Variants in RNF212 observed in about 807,000 individuals in gnomAD.
The protein encoded by RNF212 is ring finger protein 212, also known as probable E3 SUMO-protein ligase RNF212.
A neutral mutation model predicts 34.7 loss-of-function variants in RNF212; 33 were observed. The observed-to-expected ratio is 0.95, with a 90% confidence interval of 0.72 to 1.27. RNF212 has a LOEUF of 1.27. RNF212 is among the 50% of genes most tolerant of loss of function. The probability of loss-of-function intolerance (pLI) is 0.00; values close to 1 mark genes in which losing one functional copy is unlikely to be tolerated. For synonymous variants in RNF212, 140 were observed against 136.1 expected (o/e 1.03, Z -0.20); for missense variants, 377 against 362.2 (o/e 1.04, Z -0.33).
At chr4:1,077,766 C>A (rs1464275889) in intron 8 of RNF212, among the ~76,000 whole-genome samples, 1 of 152,180 alleles carries the variant, frequency 6.6e-6, no homozygotes, top group Non-Finnish European at 1.5e-5. Flanking sequence ...GGGGAGGGCT[C>A]CATAAGAGCT....
chr4:1,082,525 C>G (rs1720517684), intron 5 of RNF212, among the ~76,000 whole-genome samples: 1 of 152,190 alleles, frequency 6.6e-6, no homozygotes, highest in Non-Finnish European at 1.5e-5. Context: ...TGGGACCAAG[C>G]CAGCTAGGAA....
intron 4 of RNF212, chr4:1,058,311 G>GCCCC: frequency 1.1e-6 from 1 of 921,560 alleles, no homozygotes; most frequent in Non-Finnish European, 1.3e-6. Context: ...TGCTTGCGGG[G>GCCCC]GGGCACTACC....
At chr4:1,076,571 G>C (rs1007743168) in intron 8 of RNF212, among the ~76,000 whole-genome samples, 6 of 152,220 alleles carry the variant, frequency 3.9e-5, no homozygotes, top group Non-Finnish European at 7.3e-5. Flanking sequence ...GCAACAGGTG[G>C]TGTCCCAGAA....
intron 3 of RNF212, among the ~76,000 whole-genome samples, chr4:1,060,823 G>A (rs928520873): frequency 6.6e-6 from 1 of 152,256 alleles, no homozygotes; most frequent in African/African-American, 2.4e-5. Context: ...TGCTCAGTGA[G>A]TCTGCAGGGC....
rs1203410367 is a variant in RNF212 at position 1,079,634 on chromosome 4, T to C, written c.510+9A>G. On this transcript the variant is annotated intron_variant, in intron 8 of 9. Transcript: ENST00000433731. ...ATACAGAGGAACTCAGCAGGAGAGA[T>C]GCACTTACTTTTCTAATCGGAGAAG... 3 of 1,588,490 alleles carry C rather than the reference T, an allele frequency of 1.9e-6. No homozygotes were observed. The highest frequency in any genetic ancestry group is 2.6e-6 in the Non-Finnish European group (3 of 1,156,932).
Position 1,072,609 on chromosome 4 carries a change from A to C in RNF212, c.*265T>G. On this transcript the variant is annotated 3_prime_UTR_variant, in exon 10 of 10. Coordinates refer to ENST00000433731, the MANE Select transcript of RNF212 (RefSeq NM_001131034.4). Reference sequence around the variant, plus strand: ...CCACCCAGTTAGAAAAAAATGATTTAAGTATGTGAAAAAAAAACTCCCTAA... The same window carrying C: ...CCACCCAGTTAGAAAAAAATGATTTCAGTATGTGAAAAAAAAACTCCCTAA... The C allele has an allele frequency of 1.0e-6, 1 of 990,714 alleles. No individual in the cohort carries two copies. Among genetic ancestry groups the C allele is most frequent in the Non-Finnish European group, 1.3e-6 (1 of 798,582 alleles). 61.4% of individuals were successfully genotyped at this position (990,714 alleles called of 1,614,324 possible). A position where few individuals can be genotyped will look rare whatever the true frequency, so the allele number is the denominator to read the frequency against.
chr4:1,087,593 T>C (rs562865803), intron 4 of RNF212, among the ~76,000 whole-genome samples: 61 of 140,832 alleles, frequency 4.3e-4, no homozygotes, highest in African/African-American at 1.6e-3. Flanking sequence ...GAGTGGGTAA[T>C]AGGATGGGGT....
intron 4 of RNF212, among the ~76,000 whole-genome samples, chr4:1,088,362 C>T (rs1470403103): frequency 3.9e-5 from 6 of 152,146 alleles, no homozygotes; most frequent in African/African-American, 1.4e-4. Flanking sequence ...TGATTTAGGG[C>T]ATCTGGCAGA....
intron 5 of RNF212, chr4:1,085,666 G>T (rs1192122263): frequency 1.7e-6 from 1 of 572,718 alleles, no homozygotes; most frequent in African/African-American, 1.9e-5. Context: ...TGGGGCACCT[G>T]CCCCAAGGGG....
chr4:1,079,578 T>C, intron 8 of RNF212, 65 bp downstream of exon 8: 8 of 1,122,836 alleles, frequency 7.1e-6, no homozygotes, highest in Non-Finnish European at 1.1e-5. Context: ...TTTTCACTAC[T>C]GAGGAAAATG....
chr4:1,093,069 T>C (rs1023040042), intron 3 of RNF212, among the ~76,000 whole-genome samples: 1 of 121,748 alleles, frequency 8.2e-6, no homozygotes, highest in African/African-American at 2.7e-5. Context: ...AGAGGATTAC[T>C]GGGAAGAGGA....
At chr4:1,078,918 A>G (rs991712563) in intron 8 of RNF212, among the ~76,000 whole-genome samples, 9 of 151,004 alleles carry the variant, frequency 6.0e-5, no homozygotes, top group East Asian at 1.9e-4. Context: ...ACACAGGACC[A>G]ACACGGGACC....
At chr4:1,073,731 T>C (rs559865803) in intron 8 of RNF212, 69 bp from the exon 9 acceptor site, 24 of 1,008,884 alleles carry the variant, frequency 2.4e-5, no homozygotes, top group Non-Finnish European at 3.6e-5. Flanking sequence ...GGACTCCCAC[T>C]GTCTGTTAGG....
intron 3 of RNF212, among the ~76,000 whole-genome samples, chr4:1,094,198 G>A (rs1374841642): frequency 5.9e-5 from 9 of 152,180 alleles, no homozygotes; most frequent in Admixed American, 2.0e-4. Context: ...CACAAGGCAG[G>A]TGGGGTGGCC....
intron 3 of RNF212, among the ~76,000 whole-genome samples, chr4:1,063,694 C>CAAAAAAA: frequency 7.6e-6 from 1 of 131,520 alleles, no homozygotes; most frequent in Non-Finnish European, 1.6e-5. Flanking sequence ...GACTCAGTCT[C>CAAAAAAA]AAAAAAAAAA....
At chr4:1,090,715 T>G in intron 4 of RNF212, 67 bp downstream of exon 4, 1 of 868,980 alleles carries the variant, frequency 1.2e-6, no homozygotes, top group South Asian at 1.3e-5. Flanking sequence ...AGGTGTTAAT[T>G]AACAAGTCTG....
intron 2 of RNF212, among the ~76,000 whole-genome samples, chr4:1,107,953 G>C (rs966597197): frequency 6.6e-6 from 1 of 152,114 alleles, no homozygotes; most frequent in African/African-American, 2.4e-5. Context: ...AGAACAAAAG[G>C]CATTGTTTTA....
chr4:1,074,982 C>T (rs1192837180), intron 8 of RNF212, among the ~76,000 whole-genome samples: 6 of 152,212 alleles, frequency 3.9e-5, no homozygotes, highest in South Asian at 4.1e-4. Flanking sequence ...ACCGTCCCTT[C>T]GAACTACATT....
intron 8 of RNF212, among the ~76,000 whole-genome samples, chr4:1,076,435 C>T (rs1203548371): frequency 1.3e-5 from 2 of 152,208 alleles, no homozygotes; most frequent in African/African-American, 4.8e-5. Context: ...GGGGCAGGAA[C>T]CCCACCAAGA....
Sources: allele counts gnomAD v4.1 joint callset (sites outside exome capture counted in the v4.1 genomes callset), GRCh38; gene constraint gnomAD v4.1.1; transcripts MANE v1.5; gene names NCBI Gene and HGNC (gene_info 2026-07-23, HGNC 2026-07-21).